LYPD5: variants seen among roughly 807,000 people sequenced by gnomAD.
LYPD5 encodes the protein ly6/PLAUR domain-containing protein 5.
In LYPD5, 21 loss-of-function variants were observed where a neutral mutation model predicts 19.1. That is an observed-to-expected ratio of 1.10 (90% CI 0.78 to 1.58). The LOEUF (loss-of-function observed/expected upper bound fraction) is 1.58. Ranked by LOEUF, LYPD5 falls within the 40% of genes most tolerant of loss-of-function variation. LYPD5 has a pLI of 0.00. For synonymous variants in LYPD5, 128 were observed against 142.7 expected (o/e 0.90, Z 0.74); for missense variants, 287 against 329.8 (o/e 0.87, Z 1.00).
chr19:43,814,287 T>G (rs1599698733), intron 1 of LYPD5, among the ~76,000 whole-genome samples: 1 of 151,556 alleles, frequency 6.6e-6, no homozygotes, highest in East Asian at 2.0e-4. Flanking sequence ...AGCCCAGGAG[T>G]TCAAAATCAA....
intron 1 of LYPD5, among the ~76,000 whole-genome samples, chr19:43,810,273 C>T (rs1970308691): frequency 6.6e-6 from 1 of 152,026 alleles, no homozygotes; most frequent in African/African-American, 2.4e-5. Flanking sequence ...TAGGCTAGAA[C>T]TCCCAGTACA....
intron 1 of LYPD5, among the ~76,000 whole-genome samples, chr19:43,813,639 G>A (rs1406139352): frequency 6.6e-6 from 1 of 152,174 alleles, no homozygotes; most frequent in African/African-American, 2.4e-5. Context: ...GATCATCCCT[G>A]TTGTTAAGAG....
chr19:43,798,879 G>A lies in LYPD5; in HGVS notation c.303C>T (p.Arg101=). The part of the protein sequence containing the change: ...DALPPDYSVV[R]GCTTDKCNAH... ...CGTTGCATTTGTCAGTTGTGCAGCC[G>A]CGCACCACCGAGTAGTCTGGCGGCA... is the stretch of plus-strand genomic sequence containing the variant. Residue 101 remains arginine, a synonymous_variant, in exon 3 of 5, where the codon CGC becomes CGT. Transcript: ENST00000377950. The A allele has an allele frequency of 1.2e-6, 2 of 1,607,190 alleles. No individual in the cohort carries two copies. The highest frequency in any genetic ancestry group is 3.4e-5 in the Admixed American group (2 of 58,954).
intron 2 of LYPD5, 145 bp downstream of exon 2, chr19:43,799,561 T>C: frequency 1.0e-5 from 10 of 966,554 alleles, no homozygotes; most frequent in Non-Finnish European, 1.5e-5. Context: ...CCTTTTCTTT[T>C]TCTTCCTCCT....
In LYPD5 at chr19:43,809,691, C is replaced by A. The variant is rs567864428; in HGVS notation, c.-65-9857G>T. On this transcript the variant is annotated intron_variant, in intron 1 of 4. Transcript: ENST00000414615. Reference sequence around the variant, plus strand: ...ACAGGCGTGAGCCACTGTGCCTGGCCAGGACTTGTAGATTTAAACATAGAA... The same window carrying A: ...ACAGGCGTGAGCCACTGTGCCTGGCAAGGACTTGTAGATTTAAACATAGAA... Among the ~76,000 whole-genome samples, 8 of 152,296 alleles carry A rather than the reference C, an allele frequency of 5.3e-5. No individual in the cohort carries two copies. In the South Asian group the frequency reaches 1.4e-3, roughly 28 times the overall value.
intron 1 of LYPD5, among the ~76,000 whole-genome samples, chr19:43,808,506 G>T (rs1970290176): frequency 2.0e-5 from 3 of 152,132 alleles, no homozygotes; most frequent in Admixed American, 2.0e-4. Flanking sequence ...AAATTAGGTG[G>T]CTGGGTACCT....
chr19:43,816,063 T>A (rs112129770), intron 1 of LYPD5, among the ~76,000 whole-genome samples: 2 of 151,954 alleles, frequency 1.3e-5, no homozygotes, highest in African/African-American at 4.8e-5. Flanking sequence ...TCTATCTATC[T>A]ATCTATCTAT....
chr19:43,801,479 C>T (rs562075254), intron 1 of LYPD5, among the ~76,000 whole-genome samples: 9 of 152,084 alleles, frequency 5.9e-5, no homozygotes, highest in South Asian at 4.2e-4. Context: ...CCAGCCTGGG[C>T]GACAGAGCAA....
At chr19:43,803,242 T>G (rs1970243919), upstream of LYPD5, among the ~76,000 whole-genome samples, 2 of 152,118 alleles carry the variant, frequency 1.3e-5, no homozygotes, top group Non-Finnish European at 1.5e-5. Flanking sequence ...ATTTATTAAA[T>G]GAATGAAATC....
At chr19:43,814,016 G>T (rs1970348749) in intron 1 of LYPD5, among the ~76,000 whole-genome samples, 1 of 152,058 alleles carries the variant, frequency 6.6e-6, no homozygotes, top group Admixed American at 6.6e-5. Flanking sequence ...GAATTAGGAT[G>T]AGACACATAT....
chr19:43,801,172 T>C (rs913181609), intron 1 of LYPD5, among the ~76,000 whole-genome samples: 13 of 152,030 alleles, frequency 8.6e-5, no homozygotes, highest in Non-Finnish European at 1.3e-4. Flanking sequence ...TAGTGAGCCA[T>C]GGTTGTGCTA....
upstream of LYPD5, among the ~76,000 whole-genome samples, chr19:43,805,229 G>A (rs555112645): frequency 1.3e-5 from 2 of 152,218 alleles, no homozygotes; most frequent in South Asian, 4.2e-4. Context: ...TTTACTAAAT[G>A]TGGGTACCTT....
At chr19:43,818,763 C>T (rs1970394280) in intron 1 of LYPD5, among the ~76,000 whole-genome samples, 1 of 152,190 alleles carries the variant, frequency 6.6e-6, no homozygotes, top group Admixed American at 6.5e-5. Flanking sequence ...CTGAGAGGAT[C>T]TGAAGTGACA....
In LYPD5 at chr19:43,796,508, G is replaced by T. The variant is rs78236000; in HGVS notation, c.*1083C>A. 0.036 allele frequency: 5,492 copies of T among 152,522 alleles called. 324 individuals are homozygous for T. The highest frequency in any genetic ancestry group is 0.12 in the African/African-American group (5,136 of 41,514). The allele number at this position is 152,522 out of a possible 1,614,324, so 9.4% of individuals were successfully genotyped here. ...CTGCTTCTTTTTGCCAGCTACTATT[G>T]ATCCTTTAGGATTTTGCTCAAGGGT... On this transcript the variant is annotated 3_prime_UTR_variant, in exon 5 of 5. Transcript: ENST00000377950.
At chr19:43,805,169 A>G (rs1018199659), upstream of LYPD5, among the ~76,000 whole-genome samples, 1 of 152,170 alleles carries the variant, frequency 6.6e-6, no homozygotes, top group Non-Finnish European at 1.5e-5. Context: ...TCATGTTTGC[A>G]AACATCTGGC....
In LYPD5 at chr19:43,797,774, G is replaced by A. The variant is rs146267807; in HGVS notation, c.573C>T (p.Thr191=). ...IRTCHRPSCT[T]EGTTSPWTAI... is the part of the protein sequence containing the mutation. ...CTGTCCAGGGGCTGGTGGTGCCCTCGGTGGTGCAGGAGGGCCGGTGGCAGG... is the reference window on the plus strand; with the variant it reads ...CTGTCCAGGGGCTGGTGGTGCCCTCAGTGGTGCAGGAGGGCCGGTGGCAGG... The change falls in exon 5 of 5, where the codon ACC becomes ACT. Residue 191 remains threonine, a synonymous_variant. Coordinates refer to ENST00000377950, the MANE Select transcript of LYPD5 (RefSeq NM_001031749.3). The A allele has an allele frequency of 1.4e-5, 23 of 1,613,818 alleles. No individual in the cohort carries two copies. In the African/African-American group the frequency reaches 2.5e-4, roughly 18 times the overall value.
At chr19:43,798,681 G>T in intron 3 of LYPD5, 80 bp from the exon 4 acceptor site, 2 of 1,523,040 alleles carry the variant, frequency 1.3e-6, no homozygotes, top group Non-Finnish European at 1.8e-6. Flanking sequence ...GCCAGAGCCC[G>T]CGCCTAGCAC....
chr19:43,799,525 G>A (rs1409477893), intron 2 of LYPD5, among the ~76,000 whole-genome samples, 181 bp downstream of exon 2: 3 of 152,054 alleles, frequency 2.0e-5, no homozygotes, highest in Non-Finnish European at 4.4e-5. Flanking sequence ...TTACAGGCCT[G>A]AGCCACTGCC....
upstream of LYPD5, among the ~76,000 whole-genome samples, chr19:43,806,833 TC>T (rs1970274661): frequency 6.6e-6 from 1 of 152,108 alleles, no homozygotes; most frequent in South Asian, 2.1e-4. Context: ...CATCCCCCAC[TC>T]CCCAGGTCCA....
Sources: allele counts gnomAD v4.1 joint callset (sites outside exome capture counted in the v4.1 genomes callset), GRCh38; gene constraint gnomAD v4.1.1; transcripts MANE v1.5; gene names NCBI Gene and HGNC (gene_info 2026-07-23, HGNC 2026-07-21).